Variants in SDK1 observed in about 807,000 individuals in gnomAD.
SDK1 encodes sidekick cell adhesion molecule 1.
In SDK1, 157 loss-of-function variants were observed where a neutral mutation model predicts 245.5. The ratio of observed to expected loss-of-function variants is 0.64; its 90% CI spans 0.56 to 0.73. The LOEUF is 0.73. Ranked by LOEUF, SDK1 falls within the 30% of genes least tolerant of loss-of-function variation. The pLI, the probability that SDK1 is intolerant of heterozygous loss-of-function variation, is 0.00. For missense variants in SDK1, 3,583 were observed against 3,002.3 expected, an observed-to-expected ratio of 1.19 and a Z score of -4.52; for synonymous variants, 1,647 against 1,278.5, an observed-to-expected ratio of 1.29 and a Z score of -6.15.
chr7:3,734,218 C>T (rs1205625393), intron 4 of SDK1, among the ~76,000 whole-genome samples: 5 of 152,166 alleles, frequency 3.3e-5, no homozygotes, highest in Non-Finnish European at 7.4e-5. Flanking sequence ...TTCTTTGTAT[C>T]ATTAGGTGCC....
chr7:3,940,565 G>A (rs1013459853), intron 5 of SDK1, among the ~76,000 whole-genome samples: 4 of 152,260 alleles, frequency 2.6e-5, no homozygotes, highest in Middle Eastern at 3.4e-3. Context: ...AGTGCTGACC[G>A]GGTGTGGTGG....
At chr7:3,378,825 G>A (rs1287686785) in intron 1 of SDK1, among the ~76,000 whole-genome samples, 5 of 151,996 alleles carry the variant, frequency 3.3e-5, no homozygotes, top group South Asian at 4.1e-4. Context: ...GGGGGCCGGC[G>A]GGGTGGGCTT....
At chr7:3,926,956 G>C (rs1308899841) in intron 5 of SDK1, among the ~76,000 whole-genome samples, 1 of 152,198 alleles carries the variant, frequency 6.6e-6, no homozygotes, top group Non-Finnish European at 1.5e-5. Context: ...ATAAAAGTCT[G>C]CTCCAGTAGC....
At chr7:3,920,170 C>T (rs1303909832) in intron 5 of SDK1, among the ~76,000 whole-genome samples, 2 of 152,300 alleles carry the variant, frequency 1.3e-5, no homozygotes, top group African/African-American at 4.8e-5. Flanking sequence ...CACTGAGGAT[C>T]AGCAGGGGAA....
chr7:3,343,048 A>G (rs534451245), intron 1 of SDK1, among the ~76,000 whole-genome samples: 11 of 151,662 alleles, frequency 7.3e-5, no homozygotes, highest in Non-Finnish European at 1.6e-4. Context: ...GCAGAGAAAC[A>G]TTGCTCATAC....
intron 2 of SDK1, among the ~76,000 whole-genome samples, chr7:3,630,890 A>G (rs1351000330): frequency 6.6e-6 from 1 of 151,970 alleles, no homozygotes; most frequent in Non-Finnish European, 1.5e-5. Flanking sequence ...TTACATAACT[A>G]AAATCTAAAA....
At chr7:3,543,433 A>C (rs1354981186) in intron 1 of SDK1, among the ~76,000 whole-genome samples, 2 of 152,204 alleles carry the variant, frequency 1.3e-5, no homozygotes, top group African/African-American at 4.8e-5. Context: ...CTTAAGACCA[A>C]ATGGAGCACT....
chr7:4,234,859 G>T (rs1364355104), intron 41 of SDK1, among the ~76,000 whole-genome samples: 1 of 152,210 alleles, frequency 6.6e-6, no homozygotes, highest in Middle Eastern at 3.2e-3. Context: ...GGGCAGGGAG[G>T]CCTCGGCGTT....
chr7:3,744,835 A>C (rs912271722), intron 4 of SDK1, among the ~76,000 whole-genome samples: 8 of 152,092 alleles, frequency 5.3e-5, no homozygotes, highest in Non-Finnish European at 8.8e-5. Flanking sequence ...AACAAAAAAA[A>C]ACAAAAAGAA....
At chr7:3,363,433 C>A (rs942540225) in intron 1 of SDK1, among the ~76,000 whole-genome samples, 1 of 151,956 alleles carries the variant, frequency 6.6e-6, no homozygotes, top group African/African-American at 2.4e-5. Context: ...AAACATTTGT[C>A]TATAGATTTT....
chr7:4,230,233 G>A (rs2128235044), intron 40 of SDK1, among the ~76,000 whole-genome samples: 1 of 151,176 alleles, frequency 6.6e-6, no homozygotes, highest in East Asian at 2.0e-4. Context: ...ATGGACGAAT[G>A]GATAGATGGA....
intron 4 of SDK1, among the ~76,000 whole-genome samples, chr7:3,776,730 A>G (rs1047414571): frequency 6.6e-6 from 1 of 151,892 alleles, no homozygotes; most frequent in Non-Finnish European, 1.5e-5. Context: ...TGGAAGAAAT[A>G]CAGTAGATAC....
intron 5 of SDK1, among the ~76,000 whole-genome samples, chr7:3,920,312 A>T (rs1192676940): frequency 1.3e-5 from 2 of 152,114 alleles, no homozygotes; most frequent in Non-Finnish European, 2.9e-5. Flanking sequence ...TGAAGGAAAG[A>T]TTTGCAGTCT....
intron 5 of SDK1, among the ~76,000 whole-genome samples, chr7:3,923,834 G>C (rs1427460170): frequency 6.6e-6 from 1 of 152,168 alleles, no homozygotes; most frequent in Non-Finnish European, 1.5e-5. Flanking sequence ...GAGTTTGCAG[G>C]GTTCCTCAGG....
At chr7:3,762,916 A>C (rs62437939) in intron 4 of SDK1, among the ~76,000 whole-genome samples, 6,103 of 152,272 alleles carry the variant, frequency 0.04, 142 homozygotes, top group Non-Finnish European at 0.057. Context: ...TGATGTGTGC[A>C]CAAGTCTACA....
Position 4,110,760 on chromosome 7 carries a change from A to T in SDK1, c.3422A>T (p.Tyr1141Phe). ...QMLEIPNLTP[Y>F]THYRFRMKQV... The stretch of plus-strand genomic sequence containing the variant: ...CTGGAGATCCCAAACCTCACACCCT[A>T]CACTCACTACAGGTGAGAACAGCAG... The change falls in exon 23 of 45, where the codon TAC becomes TTC. Residue 1141 changes from tyrosine (Y) to phenylalanine (F), a missense_variant. Physicochemically the swap from Tyr to Phe is conservative, Grantham distance 22. Coordinates refer to ENST00000404826, the MANE Select transcript of SDK1 (RefSeq NM_152744.4). The T allele has an allele frequency of 6.2e-7, 1 of 1,609,530 alleles. No homozygotes were observed. The highest frequency in any genetic ancestry group is 8.5e-7 in the Non-Finnish European group (1 of 1,175,818).
intron 1 of SDK1, among the ~76,000 whole-genome samples, chr7:3,313,434 A>G (rs2128544333): frequency 6.8e-6 from 1 of 147,512 alleles, no homozygotes; most frequent in East Asian, 1.9e-4. Context: ...GGTTGTAGAT[A>G]AAAAACAAAG....
chr7:4,237,875 C>G, intron 42 of SDK1, 91 bp downstream of exon 42: 1 of 1,452,076 alleles, frequency 6.9e-7, no homozygotes, highest in Non-Finnish European at 9.5e-7. Context: ...GGGCCCGTGT[C>G]TGCTTTTCCA....
intron 41 of SDK1, among the ~76,000 whole-genome samples, chr7:4,234,419 C>A (rs892523417): frequency 3.3e-5 from 5 of 152,100 alleles, no homozygotes; most frequent in African/African-American, 9.7e-5. Flanking sequence ...GCAGTCATGG[C>A]AGGGGTTATG....
Sources: gnomAD v4.1 joint callset for allele counts (sites outside exome capture counted in the v4.1 genomes callset) on GRCh38, gnomAD v4.1.1 for gene constraint, MANE v1.5 for transcripts, NCBI Gene and HGNC (gene_info 2026-07-23, HGNC 2026-07-21) for gene names.